Variants in ST3GAL3 observed in about 807,000 individuals in gnomAD.
ST3GAL3 encodes the protein ST3 beta-galactoside alpha-2,3-sialyltransferase 3, also known as CMP-N-acetylneuraminate-beta-1,4-galactoside alpha-2,3-sialyltransferase.
A neutral mutation model predicts 50.1 loss-of-function variants in ST3GAL3; 21 were observed. The observed-to-expected ratio is 0.42, with a 90% confidence interval of 0.30 to 0.60. The LOEUF is 0.60. ST3GAL3 is among the 20% of genes least tolerant of loss of function. ST3GAL3 has a pLI of 0.19. For missense variants in ST3GAL3, 353 were observed against 489.4 expected (o/e 0.72, Z 2.63); for synonymous variants, 183 against 190.0 (o/e 0.96, Z 0.30).
intron 5 of ST3GAL3, among the ~76,000 whole-genome samples, chr1:43,863,051 C>T (rs544397883): frequency 1.3e-5 from 2 of 152,306 alleles, no homozygotes; most frequent in African/African-American, 4.8e-5. Flanking sequence ...TGTCTGTTCA[C>T]TCATGTAATA....
intron 9 of ST3GAL3, among the ~76,000 whole-genome samples, chr1:43,917,377 TCTTA>T (rs2081982788): frequency 7.2e-6 from 1 of 137,970 alleles, no homozygotes; most frequent in East Asian, 2.0e-4. Flanking sequence ...AATATGCATT[TCTTA>T]CTATTTGTGA....
chr1:43,742,961 G>A (rs1474839675), intron 2 of ST3GAL3, among the ~76,000 whole-genome samples: 5 of 152,040 alleles, frequency 3.3e-5, no homozygotes, highest in African/African-American at 4.8e-5. Context: ...AGCTGGGCCT[G>A]GTGGCACGTG....
intron 1 of ST3GAL3, among the ~76,000 whole-genome samples, chr1:43,730,151 C>T (rs1674979891): frequency 6.6e-6 from 1 of 152,176 alleles, no homozygotes; most frequent in Non-Finnish European, 1.5e-5. Context: ...TTGTTCTACT[C>T]TTGTCATTTG....
intron 1 of ST3GAL3, among the ~76,000 whole-genome samples, chr1:43,717,500 ATT>A (rs200100476): frequency 4.9e-4 from 70 of 141,920 alleles, no homozygotes; most frequent in African/African-American, 1.3e-3. Flanking sequence ...TTCTTTTCTA[ATT>A]TTTTTTTTTT....
At chr1:43,779,130 T>C (rs955612181) in intron 2 of ST3GAL3, among the ~76,000 whole-genome samples, 5 of 150,422 alleles carry the variant, frequency 3.3e-5, no homozygotes, top group African/African-American at 1.2e-4. Flanking sequence ...TTGGTAGAGA[T>C]TGGGTTTTGC....
intron 2 of ST3GAL3, among the ~76,000 whole-genome samples, chr1:43,775,194 C>A (rs1296777883): frequency 1.3e-5 from 2 of 151,852 alleles, no homozygotes; most frequent in Non-Finnish European, 2.9e-5. Flanking sequence ...TCCTGATTGC[C>A]AGAACCTCCC....
intron 2 of ST3GAL3, among the ~76,000 whole-genome samples, chr1:43,791,692 C>T (rs1450858847): frequency 6.6e-6 from 1 of 152,022 alleles, no homozygotes; most frequent in African/African-American, 2.4e-5. Context: ...AAACAATGAA[C>T]AATTGAGTAT....
chr1:43,717,955 C>T (rs1213757568), intron 1 of ST3GAL3, among the ~76,000 whole-genome samples: 1 of 151,994 alleles, frequency 6.6e-6, no homozygotes, highest in African/African-American at 2.4e-5. Context: ...TTACTGCAAC[C>T]TCCACCTCCC....
intron 5 of ST3GAL3, among the ~76,000 whole-genome samples, chr1:43,860,308 A>C (rs1226175112): frequency 6.6e-6 from 1 of 152,194 alleles, no homozygotes; most frequent in East Asian, 1.9e-4. Context: ...GGTAGAGCAC[A>C]GCAAACCGTG....
intron 5 of ST3GAL3, among the ~76,000 whole-genome samples, chr1:43,886,932 A>G (rs571163726): frequency 2.6e-5 from 4 of 152,362 alleles, no homozygotes; most frequent in Admixed American, 6.5e-5. Context: ...AATGGAATCC[A>G]TAGCATGATA....
chr1:43,768,589 G>C (rs1309765183), intron 2 of ST3GAL3, among the ~76,000 whole-genome samples: 6 of 152,128 alleles, frequency 3.9e-5, no homozygotes, highest in Non-Finnish European at 1.5e-5. Flanking sequence ...GGAGCTATAG[G>C]CTTGAAAAAG....
At chr1:43,720,244 A>G (rs757112238) in intron 1 of ST3GAL3, among the ~76,000 whole-genome samples, 4 of 152,172 alleles carry the variant, frequency 2.6e-5, no homozygotes, top group Non-Finnish European at 5.9e-5. Flanking sequence ...GAAAAAAAGA[A>G]TAAGTGTTAG....
At chr1:43,924,190 G>A (rs985372559) in intron 11 of ST3GAL3, among the ~76,000 whole-genome samples, 3 of 152,122 alleles carry the variant, frequency 2.0e-5, no homozygotes, top group Non-Finnish European at 2.9e-5. Flanking sequence ...CTCGGATAGG[G>A]TTCAGGAGTG....
At chr1:43,911,609 A>T in intron 9 of ST3GAL3, among the ~76,000 whole-genome samples, 1 of 132,382 alleles carries the variant, frequency 7.6e-6, no homozygotes, top group Non-Finnish European at 1.7e-5. Context: ...AGCTATAGAT[A>T]TCTACAGATA....
chr1:43,792,207 G>A, intron 3 of ST3GAL3, 58 bp downstream of exon 3: 1 of 1,607,614 alleles, frequency 6.2e-7, no homozygotes, highest in Non-Finnish European at 8.5e-7. Flanking sequence ...CATATTTTTT[G>A]TGAAGCCTAA....
rs189675950 is a variant in ST3GAL3, at chr1:43,730,471, C to T, written c.-30-5762C>T. On this transcript the variant is annotated intron_variant, in intron 1 of 11. Coordinates refer to ENST00000347631, the MANE Select transcript of ST3GAL3 (RefSeq NM_006279.5). ...TACAACTTAAATTTTTAGTTGTTCT[C>T]AGTGGGAAGTTTGGACAAGATATAT... Among the ~76,000 whole-genome samples the T allele has an allele frequency of 2.0e-3, 305 of 152,016 alleles. 1 individual carries two copies. Among genetic ancestry groups the T allele is most frequent in the South Asian group, 0.018 (88 of 4,818 alleles).
chr1:43,890,963 C>T (rs2076607846), intron 5 of ST3GAL3, among the ~76,000 whole-genome samples: 1 of 152,100 alleles, frequency 6.6e-6, no homozygotes, highest in South Asian at 2.1e-4. Context: ...AGCCTGTATA[C>T]ATAGAACTAG....
At chr1:43,789,493 C>A (rs757134000) in intron 2 of ST3GAL3, among the ~76,000 whole-genome samples, 3 of 152,024 alleles carry the variant, frequency 2.0e-5, no homozygotes, top group Non-Finnish European at 4.4e-5. Context: ...GTGAATTATA[C>A]CTCAATAAAG....
intron 3 of ST3GAL3, among the ~76,000 whole-genome samples, chr1:43,804,435 C>T (rs1300622589): frequency 1.3e-5 from 2 of 152,168 alleles, no homozygotes; most frequent in Non-Finnish European, 2.9e-5. Context: ...ACTGAATAAT[C>T]AGTAACATGA....
Sources: gnomAD v4.1 joint callset for allele counts (sites outside exome capture counted in the v4.1 genomes callset) on GRCh38, gnomAD v4.1.1 for gene constraint, MANE v1.5 for transcripts, NCBI Gene and HGNC (gene_info 2026-07-23, HGNC 2026-07-21) for gene names.